SMURF1: variants seen among roughly 807,000 people sequenced by gnomAD.
SMURF1 encodes E3 ubiquitin-protein ligase SMURF1.
A neutral mutation model predicts 98.0 loss-of-function variants in SMURF1; 44 were observed. The observed-to-expected ratio is 0.45, with a 90% CI of 0.35 to 0.58. The LOEUF is 0.58. Among genes scored for constraint, SMURF1 ranks in the 20% least tolerant of loss-of-function variants. The probability of loss-of-function intolerance (pLI) is 0.00; values close to 1 mark genes in which losing one functional copy is unlikely to be tolerated. For missense variants in SMURF1, 687 were observed against 938.4 expected (o/e 0.73, Z 3.50); for synonymous variants, 396 against 374.9 (o/e 1.06, Z -0.65).
chr7:99,030,505 G>T lies in SMURF1; in HGVS notation c.*79C>A. 4 of 1,201,562 alleles carry T rather than the reference G, an allele frequency of 3.3e-6. No individual in the cohort carries two copies. Among genetic ancestry groups the T allele is most frequent in the South Asian group, 2.5e-5 (2 of 79,166 alleles). 74.4% of individuals were successfully genotyped at this position (1,201,562 alleles called of 1,614,324 possible). A position where few individuals can be genotyped will look rare whatever the true frequency, so the allele number is the denominator to read the frequency against. ...ATCTGGAATTCCAGGGCCTCTGCCA[G>T]CTTTGCAGGAGGTGCACAGAAGCTG... On this transcript the variant is annotated 3_prime_UTR_variant, in exon 18 of 18. Transcript: ENST00000361368.
At chr7:99,098,465 G>T (rs1158076177) in intron 1 of SMURF1, among the ~76,000 whole-genome samples, 1 of 152,160 alleles carries the variant, frequency 6.6e-6, no homozygotes, top group Non-Finnish European at 1.5e-5. Flanking sequence ...AGTGTAAAGA[G>T]AACTTTTTTC....
chr7:99,068,189 G>A (rs1796242784), intron 1 of SMURF1, among the ~76,000 whole-genome samples: 1 of 152,118 alleles, frequency 6.6e-6, no homozygotes, highest in Non-Finnish European at 1.5e-5. Context: ...TGTCTGTTCT[G>A]TATTTTTATA....
chr7:99,112,805 C>G (rs1213736659), intron 1 of SMURF1, among the ~76,000 whole-genome samples: 5 of 151,932 alleles, frequency 3.3e-5, no homozygotes, highest in Admixed American at 2.0e-4. Context: ...AGAATATCAA[C>G]AAAGTGACAA....
chr7:99,099,689 C>T (rs978962280), intron 1 of SMURF1, among the ~76,000 whole-genome samples: 8 of 152,106 alleles, frequency 5.3e-5, no homozygotes, highest in South Asian at 2.1e-4. Flanking sequence ...TGCCTTCCCA[C>T]GGGAGTGAGT....
chr7:99,098,465 G>C (rs1158076177), intron 1 of SMURF1, among the ~76,000 whole-genome samples: 1 of 152,160 alleles, frequency 6.6e-6, no homozygotes, highest in Admixed American at 6.5e-5. Context: ...AGTGTAAAGA[G>C]AACTTTTTTC....
At chr7:99,033,904 A>C (rs1241972273) in intron 16 of SMURF1, among the ~76,000 whole-genome samples, 1 of 152,200 alleles carries the variant, frequency 6.6e-6, no homozygotes, top group Non-Finnish European at 1.5e-5. Flanking sequence ...GGTGCTGGGA[A>C]AGGAGGGCGC....
At chr7:99,098,151 A>C (rs1435124200) in intron 1 of SMURF1, among the ~76,000 whole-genome samples, 1 of 152,056 alleles carries the variant, frequency 6.6e-6, no homozygotes, top group Non-Finnish European at 1.5e-5. Flanking sequence ...TAAATTTGCT[A>C]TAAGAATAAA....
At chr7:99,097,780 G>T (rs189816703) in intron 1 of SMURF1, among the ~76,000 whole-genome samples, 1 of 152,224 alleles carries the variant, frequency 6.6e-6, no homozygotes, top group African/African-American at 2.4e-5. Context: ...ATACACACCT[G>T]GTTACTTCAC....
At chr7:99,122,336 AAAAG>A (rs1797651755) in intron 1 of SMURF1, among the ~76,000 whole-genome samples, 2 of 149,920 alleles carry the variant, frequency 1.3e-5, no homozygotes, top group Admixed American at 1.3e-4. Context: ...TCAAAAAAAA[AAAAG>A]AAGAAGAAGA....
At chr7:99,035,915 CGG>C (rs1562996749) in intron 15 of SMURF1, 199 bp from the exon 16 acceptor site, 2 of 602,126 alleles carry the variant, frequency 3.3e-6, no homozygotes, top group Admixed American at 2.9e-5. Flanking sequence ...CTCCTCCAAA[CGG>C]GTCTCCAACC....
chr7:99,057,400 A>G lies in SMURF1; in HGVS notation c.337+18T>C, dbSNP rs1469136281. The G allele has an allele frequency of 2.5e-6, 4 of 1,612,742 alleles. No homozygotes were observed. In the East Asian group the frequency reaches 6.7e-5, roughly 27 times the overall value. The stretch of plus-strand genomic sequence containing the variant: ...TTCTTTGGTTGCATTAAGAGGCAGG[A>G]AAGTGTTTGGTTCTTACATCCGGTA... On this transcript the variant is annotated intron_variant, in intron 4 of 17. Transcript: ENST00000361368.
chr7:99,090,402 G>A (rs1796782465), intron 1 of SMURF1, among the ~76,000 whole-genome samples: 1 of 152,120 alleles, frequency 6.6e-6, no homozygotes, highest in Admixed American at 6.5e-5. Flanking sequence ...TAGCAGGGTT[G>A]GAAGGTGGCA....
At chr7:99,036,134 T>G in intron 15 of SMURF1, 1 of 221,078 alleles carries the variant, frequency 4.5e-6, no homozygotes, top group Non-Finnish European at 9.1e-6. Context: ...TCAGCAAGAG[T>G]TAGGTGGGGC....
intron 15 of SMURF1, chr7:99,035,942 G>A: frequency 1.7e-6 from 1 of 571,808 alleles, no homozygotes. Context: ...GGACCGCGGT[G>A]CACAGCTGTT....
At chr7:99,049,797 C>A (rs1563005188) in intron 8 of SMURF1, 88 bp from the exon 9 acceptor site, 1 of 1,321,872 alleles carries the variant, frequency 7.6e-7, no homozygotes. Flanking sequence ...ACAGAGGTTC[C>A]TTATCAAGGT....
In SMURF1 at chr7:99,040,365, A is replaced by G. The variant is rs181998544; in HGVS notation, c.1550+13T>C. On this transcript the variant is annotated intron_variant, in intron 13 of 17. Transcript: ENST00000361368. ...GCCCTAAGCCAGGTGACCGGCCGTC[A>G]GTCAATACTTACAGGATCCACACCA... is the stretch of plus-strand genomic sequence containing the variant. 20,093 of 1,474,748 alleles carry G rather than the reference A, an allele frequency of 0.014. 171 individuals carry two copies. The highest frequency in any genetic ancestry group is 0.016 in the Non-Finnish European group (17,179 of 1,107,586). 91.4% of individuals were successfully genotyped at this position (1,474,748 alleles called of 1,614,324 possible). A position where few individuals can be genotyped will look rare whatever the true frequency, so the allele number is the denominator to read the frequency against.
Position 99,051,461 on chromosome 7 carries a change from TC to T in SMURF1, c.722-21del, listed in dbSNP as rs750912519. 11 of 1,595,006 alleles carry T rather than the reference TC, an allele frequency of 6.9e-6. No individual in the cohort carries two copies. In the Admixed American group the frequency reaches 1.8e-4, roughly 27 times the overall value. On this transcript the variant is annotated intron_variant, in intron 7 of 17. Coordinates refer to ENST00000361368, the MANE Select transcript of SMURF1 (RefSeq NM_181349.3). ...TTTGTTCTACACAAGAAATTAGAGA[TC>T]CAAATGAGACAAGTTCAATTCCAGG...
chr7:99,107,747 AG>A (rs1374104201), intron 1 of SMURF1, among the ~76,000 whole-genome samples: 2 of 152,234 alleles, frequency 1.3e-5, no homozygotes, highest in Non-Finnish European at 2.9e-5. Context: ...AGCCAGTCCC[AG>A]GGTGGTATTA....
chr7:99,073,450 A>C (rs1312317339), intron 1 of SMURF1, among the ~76,000 whole-genome samples: 3 of 142,266 alleles, frequency 2.1e-5, no homozygotes, highest in African/African-American at 7.4e-5. Context: ...ATAGATTCAT[A>C]AGATCATTTA....
Sources: allele counts gnomAD v4.1 joint callset (sites outside exome capture counted in the v4.1 genomes callset), GRCh38; gene constraint gnomAD v4.1.1; transcripts MANE v1.5; gene names NCBI Gene and HGNC (gene_info 2026-07-23, HGNC 2026-07-21).